PRKAG3: variants seen among roughly 807,000 people sequenced by gnomAD.
PRKAG3 encodes the protein protein kinase AMP-activated non-catalytic subunit gamma 3.
Under a neutral mutation model 56.5 loss-of-function variants are expected in PRKAG3, and 39 were observed. That is an observed-to-expected ratio of 0.69 (90% CI 0.53 to 0.90). The LOEUF is 0.90. Ranked by LOEUF, PRKAG3 falls within the 40% of genes least tolerant of loss-of-function variation. PRKAG3 has a pLI of 0.00. For synonymous variants in PRKAG3, 243 were observed against 250.1 expected, an observed-to-expected ratio of 0.97 and a Z score of 0.27; for missense variants, 628 against 627.5, an observed-to-expected ratio of 1.00 and a Z score of -0.01.
intron 5 of PRKAG3, 49 bp downstream of exon 5, chr2:218,828,470 C>G: frequency 1.3e-6 from 2 of 1,519,858 alleles, no homozygotes; most frequent in Non-Finnish European, 1.8e-6. Flanking sequence ...CGTACAAGAT[C>G]TCCCCCTCAC....
At position 218,827,644 on chromosome 2, in the gene PRKAG3, A is replaced by G. The variant is rs772603138; in HGVS notation, c.821-15T>C. The G allele has an allele frequency of 1.9e-6, 3 of 1,613,832 alleles. No individual in the cohort carries two copies. The East Asian group carries it at 6.7e-5, about 36-fold the overall frequency. On this transcript the variant is annotated splice_polypyrimidine_tract_variant and intron_variant, in intron 7 of 12. Coordinates refer to ENST00000529249, the Ensembl canonical transcript of PRKAG3. This position sits in a 1 kb window ranked among gnomAD's most constrained non-coding sequence, Gnocchi z 5.3. ...CAGGTAGATCTCTGCAGAAAGAGCC[A>G]GAGTCAGGCCAGGGGAGCCGGTCAC...
In PRKAG3 at chr2:218,827,736, C is replaced by T; in HGVS notation, c.820+97G>A. ...GCACCCGAGGCTCCTATTGTCCCTC[C>T]CCTGTTCACTCCAGGACATCCCCAC... On this transcript the variant is annotated intron_variant, in intron 7 of 12. Coordinates refer to ENST00000529249, the Ensembl canonical transcript of PRKAG3. This position sits in a 1 kb window ranked among gnomAD's most constrained non-coding sequence, Gnocchi z 5.3. 2 of 1,559,110 alleles carry T rather than the reference C, an allele frequency of 1.3e-6. No homozygotes were observed. Among genetic ancestry groups the T allele is most frequent in the Non-Finnish European group, 8.8e-7 (1 of 1,130,384 alleles).
At chr2:218,830,712 G>A (rs368998987) in intron 3 of PRKAG3, 34 bp downstream of exon 3, 1 of 1,604,226 alleles carries the variant, frequency 6.2e-7, no homozygotes, top group Admixed American at 1.7e-5. Context: ...CACTCCCCTG[G>A]CTCCCACCTC....
At position 218,824,218 on chromosome 2, in the gene PRKAG3, GT is replaced by G. The variant is rs778509839; in HGVS notation, c.1353+3del. On this transcript the variant is annotated splice_donor_region_variant and intron_variant, in intron 12 of 12. Coordinates refer to ENST00000529249, the Ensembl canonical transcript of PRKAG3. The stretch of plus-strand genomic sequence containing the variant: ...TGGGGGCATGAATGGAGGGCACACG[GT>G]ACCTGCTCCCGAGCAATCCTGTCGA... 1 of 1,614,128 alleles carries G rather than the reference GT, an allele frequency of 6.2e-7. No homozygotes were observed. Among genetic ancestry groups the G allele is most frequent in the Non-Finnish European group, 8.5e-7 (1 of 1,180,018 alleles).
rs1943959265 is a variant in PRKAG3, at chr2:218,827,899, C to A, written c.775-21G>T. 1.9e-6 allele frequency: 3 copies of A among 1,613,796 alleles called. No homozygotes were observed. The highest frequency in any genetic ancestry group is 2.7e-5 in the African/African-American group (2 of 74,888). ...TGGACCTAGAGACATCGACAGGACT[C>A]CAGAAGTCAGAAAGACGTGGGCTTC... On this transcript the variant is annotated intron_variant, in intron 6 of 12. Coordinates refer to ENST00000529249, the Ensembl canonical transcript of PRKAG3. This position sits in a 1 kb window ranked among gnomAD's most constrained non-coding sequence, Gnocchi z 5.3.
chr2:218,830,464 C>A, intron 3 of PRKAG3, 83 bp from the exon 4 acceptor site: 1 of 1,508,356 alleles, frequency 6.6e-7, no homozygotes. Flanking sequence ...CATCTCACAG[C>A]AGCAGTGGGA....
rs376239638 is a variant in PRKAG3 at position 218,824,594 on chromosome 2, G to T, written c.1169-18C>A. On this transcript the variant is annotated intron_variant, in intron 10 of 12. Coordinates refer to ENST00000529249, the Ensembl canonical transcript of PRKAG3. The stretch of plus-strand genomic sequence containing the variant: ...GACCTGACCTGCAGAGGGTGGTTGT[G>T]GGGGGTGGGGGGAGAAAGACAGGGA... 20 of 1,603,788 alleles carry T rather than the reference G, an allele frequency of 1.2e-5. No individual in the cohort carries two copies. Among genetic ancestry groups the T allele is most frequent in the South Asian group, 5.5e-5 (5 of 90,886 alleles).
rs893730420 is a variant in PRKAG3, at chr2:218,827,181, G to A, written c.1002+66C>T. On this transcript the variant is annotated intron_variant, in intron 9 of 12. Coordinates refer to ENST00000529249, the Ensembl canonical transcript of PRKAG3. This position sits in a 1 kb window ranked among gnomAD's most constrained non-coding sequence, Gnocchi z 5.3. ...CTTCCCCACGACTGCTAGGGCTGAA[G>A]ACTCCTCAGGCCCTCTGATCACCTG... 1.2e-6 allele frequency: 2 copies of A among 1,613,326 alleles called. No homozygotes were observed. The highest frequency in any genetic ancestry group is 2.2e-5 in the East Asian group (1 of 44,900).
chr2:218,830,509 G>A, intron 3 of PRKAG3, 128 bp from the exon 4 acceptor site: 1 of 1,315,498 alleles, frequency 7.6e-7, no homozygotes. Flanking sequence ...GCAGGTGAGG[G>A]GCTGACCTGA....
At chr2:218,824,275 A>C in exon 12 of PRKAG3, 1 of 1,614,154 alleles carries the variant, frequency 6.2e-7, no homozygotes, top group Non-Finnish European at 8.5e-7. Context: ...TGGGGCTGGC[A>C]GGAAAGGACT....
intron 4 of PRKAG3, 115 bp from the exon 5 acceptor site, chr2:218,828,715 G>T: frequency 2.3e-6 from 2 of 862,214 alleles, no homozygotes; most frequent in South Asian, 3.5e-5. Flanking sequence ...CCCACCCAGG[G>T]TTCTTCCATG....
intron 10 of PRKAG3, among the ~76,000 whole-genome samples, chr2:218,826,482 G>A (rs1943934225): frequency 6.6e-6 from 1 of 152,026 alleles, no homozygotes; most frequent in East Asian, 1.9e-4. Context: ...TTAGAGACAG[G>A]GTCTTGCTCT....
At chr2:218,830,899 T>A in exon 3 of PRKAG3, 2 of 1,613,674 alleles carry the variant, frequency 1.2e-6, no homozygotes, top group South Asian at 2.2e-5. Flanking sequence ...AGGAAGCTCA[T>A]CTCTGGAAGG....
rs147847214 is a variant in PRKAG3, at chr2:218,824,199, C to G, written c.1353+23G>C. 5.4e-5 allele frequency: 87 copies of G among 1,614,030 alleles called. No homozygotes were observed. In the African/African-American group the frequency reaches 9.9e-4, roughly 18 times the overall value. ...AGGACTGGGCTATATGTGTTGGGGG[C>G]ATGAATGGAGGGCACACGGTACCTG... On this transcript the variant is annotated intron_variant, in intron 12 of 12. Transcript: ENST00000529249.
At chr2:218,824,949 T>G (rs888757984) in intron 10 of PRKAG3, among the ~76,000 whole-genome samples, 1 of 152,196 alleles carries the variant, frequency 6.6e-6, no homozygotes, top group Non-Finnish European at 1.5e-5. Context: ...CCCAGGCTTT[T>G]CAACTCACCC....
chr2:218,831,479 G>T (rs1007928774), intron 1 of PRKAG3, 104 bp from the exon 2 acceptor site: 4 of 1,122,116 alleles, frequency 3.6e-6, no homozygotes, highest in African/African-American at 3.1e-5. Context: ...CAATACACAC[G>T]CTCAGACACA....
chr2:218,822,438 A>G (rs141394712), downstream of PRKAG3: 43 of 152,364 alleles, frequency 2.8e-4, 1 homozygote, highest in African/African-American at 1.0e-3. Flanking sequence ...CTTTGAATTT[A>G]GAAAGCACAA....
chr2:218,824,389 T>G, intron 11 of PRKAG3, 21 bp from the exon 12 acceptor site: 1 of 1,614,048 alleles, frequency 6.2e-7, no homozygotes, highest in Non-Finnish European at 8.5e-7. Context: ...GAGAGAAGTA[T>G]GGCTCCTAGT....
intron 11 of PRKAG3, 23 bp downstream of exon 11, chr2:218,824,516 C>T (rs1943903077): frequency 6.2e-7 from 1 of 1,608,684 alleles, no homozygotes; most frequent in South Asian, 1.1e-5. Flanking sequence ...CCTGCAGCAT[C>T]CCACCTTTCC....
Sources: allele counts gnomAD v4.1 joint callset (sites outside exome capture counted in the v4.1 genomes callset), GRCh38; gene constraint gnomAD v4.1.1; non-coding constraint Gnocchi (gnomAD v3.1); transcripts MANE v1.5; gene names NCBI Gene and HGNC (gene_info 2026-07-23, HGNC 2026-07-21).